Variants in PXDNL observed in about 807,000 individuals in gnomAD.
The protein encoded by PXDNL is probable oxidoreductase PXDNL.
Under a neutral mutation model 150.8 loss-of-function variants are expected in PXDNL, and 145 were observed. The observed-to-expected ratio is 0.96, with a 90% CI of 0.84 to 1.10. The LOEUF (loss-of-function observed/expected upper bound fraction) is 1.10, where lower values mean the gene tolerates loss of function less well. Among genes scored for constraint, PXDNL ranks in the 50% least tolerant of loss-of-function variants. The pLI is 0.00. For missense variants in PXDNL, 2,087 were observed against 1,873.9 expected, an observed-to-expected ratio of 1.11 and a Z score of -2.10; for synonymous variants, 757 against 725.7, an observed-to-expected ratio of 1.04 and a Z score of -0.69.
chr8:51,457,701 A>G (rs1809967632), intron 8 of PXDNL, 34 bp from the exon 9 acceptor site: 1 of 1,547,188 alleles, frequency 6.5e-7, no homozygotes, highest in Non-Finnish European at 8.9e-7. Flanking sequence ...ATATTATTTA[A>G]TCCCATTCAT....
At chr8:51,631,412 C>T (rs1361661934) in intron 2 of PXDNL, among the ~76,000 whole-genome samples, 1 of 152,058 alleles carries the variant, frequency 6.6e-6, no homozygotes, top group Non-Finnish European at 1.5e-5. Flanking sequence ...CAAAGCTGCA[C>T]ATGTACCCCT....
chr8:51,439,787 T>C (rs961331327), intron 12 of PXDNL, among the ~76,000 whole-genome samples: 13 of 138,006 alleles, frequency 9.4e-5, no homozygotes, highest in African/African-American at 3.6e-4. Context: ...ATCGCACCAC[T>C]GCACTCCAGC....
At chr8:51,438,654 G>T (rs537007173) in intron 12 of PXDNL, among the ~76,000 whole-genome samples, 24 of 152,262 alleles carry the variant, frequency 1.6e-4, no homozygotes, top group African/African-American at 5.3e-4. Flanking sequence ...GATGGAGCTT[G>T]CAGTGAGCCG....
At chr8:51,627,093 T>C (rs28492012) in intron 2 of PXDNL, among the ~76,000 whole-genome samples, 103,483 of 152,072 alleles carry the variant, frequency 0.68, 35,748 homozygotes, top group Non-Finnish European at 0.74. Context: ...TTTGGGTAAT[T>C]ATAAATGGTA....
intron 2 of PXDNL, among the ~76,000 whole-genome samples, chr8:51,645,203 T>C (rs1287889528): frequency 6.6e-6 from 1 of 152,022 alleles, no homozygotes; most frequent in Non-Finnish European, 1.5e-5. Context: ...AAATTCCTCC[T>C]CCCTCTGACT....
At chr8:51,440,181 G>A (rs1388067057) in intron 12 of PXDNL, among the ~76,000 whole-genome samples, 2 of 152,080 alleles carry the variant, frequency 1.3e-5, no homozygotes, top group Non-Finnish European at 1.5e-5. Context: ...CTCAGGAATG[G>A]AAAACCAAAT....
At chr8:51,730,697 C>T (rs1192267176) in intron 1 of PXDNL, among the ~76,000 whole-genome samples, 4 of 152,162 alleles carry the variant, frequency 2.6e-5, no homozygotes, top group Non-Finnish European at 5.9e-5. Flanking sequence ...TACCCCAAGA[C>T]TGGGTAATTG....
intron 2 of PXDNL, among the ~76,000 whole-genome samples, chr8:51,601,942 G>T (rs368085625): frequency 2.0e-5 from 3 of 151,860 alleles, no homozygotes; most frequent in African/African-American, 7.3e-5. Flanking sequence ...CTTAGCACTT[G>T]CTTGTCTGGA....
intron 1 of PXDNL, among the ~76,000 whole-genome samples, chr8:51,666,873 C>A (rs1815397939): frequency 6.6e-6 from 1 of 152,124 alleles, no homozygotes; most frequent in Non-Finnish European, 1.5e-5. Flanking sequence ...TATTTTAATT[C>A]TCCCAGTTTA....
chr8:51,418,735 A>G (rs1808866946), intron 14 of PXDNL, among the ~76,000 whole-genome samples: 1 of 152,204 alleles, frequency 6.6e-6, no homozygotes, highest in South Asian at 2.1e-4. Context: ...GGTCCCACTA[A>G]CCTAAAGTCA....
At chr8:51,646,025 G>A (rs995211419) in intron 2 of PXDNL, among the ~76,000 whole-genome samples, 3 of 151,882 alleles carry the variant, frequency 2.0e-5, no homozygotes, top group Middle Eastern at 3.2e-3. Flanking sequence ...TGAGTTAGGA[G>A]GATACCAAGG....
At chr8:51,658,468 A>G (rs930890148) in intron 1 of PXDNL, among the ~76,000 whole-genome samples, 5 of 152,190 alleles carry the variant, frequency 3.3e-5, no homozygotes, top group African/African-American at 1.2e-4. Context: ...ACCAAAATGA[A>G]TATGTTAGCA....
intron 18 of PXDNL, among the ~76,000 whole-genome samples, chr8:51,373,314 G>A (rs1807186747): frequency 6.6e-6 from 1 of 152,156 alleles, no homozygotes; most frequent in Non-Finnish European, 1.5e-5. Flanking sequence ...CTGATGCCTT[G>A]ATCAGCATCT....
chr8:51,558,368 A>T (rs1812639371), intron 3 of PXDNL, among the ~76,000 whole-genome samples: 1 of 152,066 alleles, frequency 6.6e-6, no homozygotes, highest in Non-Finnish European at 1.5e-5. Flanking sequence ...AACAGGTGAA[A>T]GTATTCTGTA....
At chr8:51,754,943 A>G (rs374353224) in intron 1 of PXDNL, among the ~76,000 whole-genome samples, 249 of 152,338 alleles carry the variant, frequency 1.6e-3, no homozygotes, top group African/African-American at 5.3e-3. Context: ...TACTGGCCTC[A>G]AACTCCTGGC....
At chr8:51,401,676 A>G (rs574279348) in intron 17 of PXDNL, among the ~76,000 whole-genome samples, 1 of 152,286 alleles carries the variant, frequency 6.6e-6, no homozygotes, top group South Asian at 2.1e-4. Context: ...AAGAGACACT[A>G]CATCAGTGAA....
rs550300793 is a variant in PXDNL at position 51,447,374 on chromosome 8, T to C, written c.1367-212A>G. On this transcript the variant is annotated intron_variant, in intron 11 of 22. Coordinates refer to ENST00000356297, the MANE Select transcript of PXDNL (RefSeq NM_144651.5). ...AACTCTGCCACTGTATCATAAGGAA[T>C]TCTCATCTGTCACCAGAACAGCCCA... is the stretch of plus-strand genomic sequence containing the variant. Among the ~76,000 whole-genome samples, 20 of 152,274 alleles carry C rather than the reference T, an allele frequency of 1.3e-4. No homozygotes were observed. In the South Asian group the frequency reaches 3.9e-3, roughly 30 times the overall value.
At chr8:51,553,885 G>A (rs1231300591) in intron 4 of PXDNL, among the ~76,000 whole-genome samples, 1 of 151,828 alleles carries the variant, frequency 6.6e-6, no homozygotes, top group Non-Finnish European at 1.5e-5. Context: ...ACATGTTTAA[G>A]ACATGCTCTT....
intron 1 of PXDNL, among the ~76,000 whole-genome samples, chr8:51,704,533 T>C (rs1816322534): frequency 6.6e-6 from 1 of 152,240 alleles, no homozygotes; most frequent in South Asian, 2.1e-4. Context: ...TATGCATATA[T>C]TCCACTTTAC....
Sources: gnomAD v4.1 joint callset for allele counts (sites outside exome capture counted in the v4.1 genomes callset) on GRCh38, gnomAD v4.1.1 for gene constraint, MANE v1.5 for transcripts, NCBI Gene and HGNC (gene_info 2026-07-23, HGNC 2026-07-21) for gene names.